Variants in SIK3 observed in about 807,000 individuals in gnomAD.
The protein encoded by SIK3 is SIK family kinase 3.
Under a neutral mutation model 144.2 loss-of-function variants are expected in SIK3, and 28 were observed. The observed-to-expected ratio is 0.19, with a 90% CI of 0.14 to 0.27. SIK3 has a LOEUF of 0.27. SIK3 is among the 10% of genes least tolerant of loss of function. The pLI is 1.00. For synonymous variants in SIK3, 686 were observed against 676.3 expected (o/e 1.01, Z -0.22); for missense variants, 1,319 against 1,776.0 (o/e 0.74, Z 4.62).
chr11:116,870,084 A>G, intron 14 of SIK3: 1 of 1,477,972 alleles, frequency 6.8e-7, no homozygotes, highest in Non-Finnish European at 9.0e-7. Flanking sequence ...AGGAGGGAGG[A>G]AAGAAAAAGT....
chr11:117,032,521 A>T (rs1187167629), intron 1 of SIK3, among the ~76,000 whole-genome samples: 2 of 152,058 alleles, frequency 1.3e-5, no homozygotes, highest in East Asian at 3.8e-4. Flanking sequence ...TTGTTTAGAG[A>T]CAAGGTCTTG....
chr11:117,092,215 C>G (rs1256751087), intron 1 of SIK3, among the ~76,000 whole-genome samples: 1 of 152,264 alleles, frequency 6.6e-6, no homozygotes, highest in Admixed American at 6.5e-5. Context: ...ACATGTCTGG[C>G]CTCATCTTTT....
chr11:117,080,023 G>A (rs1356294026), intron 1 of SIK3, among the ~76,000 whole-genome samples: 2 of 151,944 alleles, frequency 1.3e-5, no homozygotes, highest in South Asian at 2.1e-4. Flanking sequence ...GACAGAGTGA[G>A]ACTCCAACTC....
intron 1 of SIK3, among the ~76,000 whole-genome samples, chr11:116,981,421 A>C (rs1175371280): frequency 6.6e-6 from 1 of 152,216 alleles, no homozygotes; most frequent in Non-Finnish European, 1.5e-5. Context: ...GAGAATAAAG[A>C]AATGTGTGGT....
chr11:116,947,179 TATATA>T (rs1387605609), intron 3 of SIK3, among the ~76,000 whole-genome samples: 4 of 131,142 alleles, frequency 3.1e-5, no homozygotes, highest in African/African-American at 5.9e-5. Context: ...TTATTATTTA[TATATA>T]ATATATTATA....
intron 3 of SIK3, among the ~76,000 whole-genome samples, chr11:116,952,844 T>C (rs925285524): frequency 2.0e-5 from 3 of 152,236 alleles, no homozygotes; most frequent in Admixed American, 6.5e-5. Context: ...AGGCCTACTA[T>C]ACCTTCTTGA....
chr11:117,081,294 A>G (rs148665599), intron 1 of SIK3, among the ~76,000 whole-genome samples: 94 of 152,320 alleles, frequency 6.2e-4, no homozygotes, highest in African/African-American at 1.9e-3. Flanking sequence ...CACATGTATT[A>G]GAGAGGCAAA....
chr11:116,907,735 T>G (rs1946120366), intron 4 of SIK3, among the ~76,000 whole-genome samples: 1 of 152,240 alleles, frequency 6.6e-6, no homozygotes, highest in Non-Finnish European at 1.5e-5. Flanking sequence ...GCTCTGCTTA[T>G]GTTAATTCCC....
chr11:116,950,599 A>C (rs988068806), intron 3 of SIK3, among the ~76,000 whole-genome samples: 1 of 152,212 alleles, frequency 6.6e-6, no homozygotes, highest in African/African-American at 2.4e-5. Flanking sequence ...GTTCTGTTTA[A>C]AAGTAACCAA....
chr11:117,088,118 T>C (rs188475500), intron 1 of SIK3, among the ~76,000 whole-genome samples: 63 of 152,160 alleles, frequency 4.1e-4, no homozygotes, highest in African/African-American at 1.5e-3. Context: ...GCACCTGTAG[T>C]CCCAGGTACT....
At position 117,000,627 on chromosome 11, in the gene SIK3, C is replaced by T. The variant is rs191952269; in HGVS notation, c.274-43563G>A. Among the ~76,000 whole-genome samples the T allele has an allele frequency of 1.3e-3, 196 of 152,264 alleles. 1 individual carries two copies. The highest frequency in any genetic ancestry group is 2.2e-3 in the Non-Finnish European group (148 of 68,014). On this transcript the variant is annotated intron_variant, in intron 1 of 24. Coordinates refer to ENST00000445177, the MANE Select transcript of SIK3 (RefSeq NM_001366686.3). Reference sequence around the variant, plus strand: ...CAAATTATAACTGATTCATCTCTTCCTACCTTGCCCAAACCAAGCTGAAAG... The same window carrying T: ...CAAATTATAACTGATTCATCTCTTCTTACCTTGCCCAAACCAAGCTGAAAG...
chr11:117,009,913 T>A (rs531366774), intron 1 of SIK3, among the ~76,000 whole-genome samples: 1 of 152,244 alleles, frequency 6.6e-6, no homozygotes, highest in South Asian at 2.1e-4. Context: ...CACTTACCAA[T>A]CCCACAAAAC....
Position 117,091,242 on chromosome 11 carries a change from T to C in SIK3, c.273+6901A>G, listed in dbSNP as rs548157287. Among the ~76,000 whole-genome samples, 8 of 148,550 alleles carry C rather than the reference T, an allele frequency of 5.4e-5. No individual in the cohort carries two copies. The South Asian group carries it at 1.7e-3, about 32-fold the overall frequency. On this transcript the variant is annotated intron_variant, in intron 1 of 24. Coordinates refer to ENST00000445177, the MANE Select transcript of SIK3 (RefSeq NM_001366686.3). ...TTTTTGAGACGGAGTTTCACTCTTG[T>C]TGCCCAGGCTGGAGTGCGACGGCAC...
At chr11:116,923,595 A>G (rs1360218966) in intron 4 of SIK3, among the ~76,000 whole-genome samples, 2 of 152,280 alleles carry the variant, frequency 1.3e-5, no homozygotes, top group Admixed American at 1.3e-4. Context: ...ACGATGGCAT[A>G]TAAGAGAAAG....
chr11:116,846,289 G>A lies in SIK3; in HGVS notation c.*13+94C>T. Reference sequence around the variant, plus strand: ...GAGGCGTGGTACTGTCGACTGCACTGGCCACCACAACACATGGGCTGAAGC... The same window carrying A: ...GAGGCGTGGTACTGTCGACTGCACTAGCCACCACAACACATGGGCTGAAGC... On this transcript the variant is annotated intron_variant, in intron 24 of 24. Transcript: ENST00000445177. This position sits in a 1 kb window ranked among gnomAD's most constrained non-coding sequence, Gnocchi z 4.1. 1 of 1,320,702 alleles carries A rather than the reference G, an allele frequency of 7.6e-7. No homozygotes were observed. The highest frequency in any genetic ancestry group is 1.1e-6 in the Non-Finnish European group (1 of 943,002). 81.8% of individuals were successfully genotyped at this position (1,320,702 alleles called of 1,614,324 possible).
intron 6 of SIK3, among the ~76,000 whole-genome samples, chr11:116,879,944 A>C (rs1306457459): frequency 6.6e-6 from 1 of 152,218 alleles, no homozygotes; most frequent in African/African-American, 2.4e-5. Context: ...AAGTGTTCTT[A>C]ATTTAGGAAG....
intron 1 of SIK3, among the ~76,000 whole-genome samples, chr11:117,092,656 A>C (rs752203087): frequency 6.6e-6 from 1 of 152,204 alleles, no homozygotes; most frequent in Non-Finnish European, 1.5e-5. Context: ...TTTTCATTCA[A>C]TAAATGTGTT....
Position 116,844,673 on chromosome 11 carries a change from T to G in SIK3, c.*970A>C, listed in dbSNP as rs1389670136. On this transcript the variant is annotated 3_prime_UTR_variant, in exon 25 of 25. Coordinates refer to ENST00000445177, the MANE Select transcript of SIK3 (RefSeq NM_001366686.3). Reference sequence around the variant, plus strand: ...TATATATATAATATATATATACACATATATTATATTATATATATACACACA... The same window carrying G: ...TATATATATAATATATATATACACAGATATTATATTATATATATACACACA... 8.7e-6 allele frequency: 1 copy of G among 114,450 alleles called. No individual in the cohort carries two copies. The highest frequency in any genetic ancestry group is 2.6e-4 in the South Asian group (1 of 3,860). 7.1% of individuals were successfully genotyped at this position (114,450 alleles called of 1,614,324 possible).
At chr11:116,942,575 G>A (rs940027360) in intron 3 of SIK3, among the ~76,000 whole-genome samples, 1 of 152,214 alleles carries the variant, frequency 6.6e-6, no homozygotes, top group Non-Finnish European at 1.5e-5. Flanking sequence ...TGAGATTTTA[G>A]ACAGCATGGT....
Sources: gnomAD v4.1 joint callset for allele counts (sites outside exome capture counted in the v4.1 genomes callset) on GRCh38, gnomAD v4.1.1 for gene constraint, Gnocchi (gnomAD v3.1) non-coding constraint, MANE v1.5 for transcripts, NCBI Gene and HGNC (gene_info 2026-07-23, HGNC 2026-07-21) for gene names.